Variants in RAPGEF4 observed in about 807,000 individuals in gnomAD.
The protein encoded by RAPGEF4 is Rap guanine nucleotide exchange factor 4.
A neutral mutation model predicts 147.9 loss-of-function variants in RAPGEF4; 66 were observed. That is an observed-to-expected ratio of 0.45 (90% CI 0.37 to 0.55). RAPGEF4 has a LOEUF of 0.55. Ranked by LOEUF, RAPGEF4 falls within the 20% of genes least tolerant of loss-of-function variation. RAPGEF4 has a pLI of 0.00. For missense variants in RAPGEF4, 1,071 were observed against 1,257.3 expected (o/e 0.85, Z 2.24); for synonymous variants, 419 against 442.7 (o/e 0.95, Z 0.67).
At chr2:173,006,996 GA>G (rs1694545100) in intron 17 of RAPGEF4, among the ~76,000 whole-genome samples, 1 of 151,978 alleles carries the variant, frequency 6.6e-6, no homozygotes, top group South Asian at 2.1e-4. Flanking sequence ...TGCTTTTTGG[GA>G]AAAAAATGAC....
intron 4 of RAPGEF4, among the ~76,000 whole-genome samples, chr2:172,908,925 T>A: frequency 6.6e-6 from 1 of 152,204 alleles, no homozygotes; most frequent in East Asian, 1.9e-4. Flanking sequence ...TCTAAGACCC[T>A]TGAAAGTCCT....
intron 23 of RAPGEF4, among the ~76,000 whole-genome samples, chr2:173,025,505 C>A (rs949183885): frequency 6.6e-6 from 1 of 152,156 alleles, no homozygotes; most frequent in African/African-American, 2.4e-5. Flanking sequence ...TGCAGTGGCA[C>A]GATCTCGGCT....
chr2:172,982,633 T>A (rs1019771114), intron 10 of RAPGEF4, among the ~76,000 whole-genome samples: 2 of 152,188 alleles, frequency 1.3e-5, no homozygotes, highest in Non-Finnish European at 2.9e-5. Flanking sequence ...AGTCTTCCAG[T>A]GCCAAAAATG....
At position 172,967,655 on chromosome 2, in the gene RAPGEF4, G is replaced by A. The variant is rs533980109; in HGVS notation, c.1004+211G>A. On this transcript the variant is annotated intron_variant, in intron 10 of 30. Coordinates refer to ENST00000397081, the MANE Select transcript of RAPGEF4 (RefSeq NM_007023.4). ...ATGGCTCCATTTTCCATTTGCATGA[G>A]TTAAAGCTGTAGAGGTTGTCAGTAG... Among the ~76,000 whole-genome samples, 14 of 152,326 alleles carry A rather than the reference G, an allele frequency of 9.2e-5. No homozygotes were observed. The East Asian group carries it at 2.7e-3, about 29-fold the overall frequency.
intron 4 of RAPGEF4, among the ~76,000 whole-genome samples, chr2:172,858,037 G>A (rs1323954597): frequency 1.3e-5 from 2 of 151,156 alleles, no homozygotes; most frequent in Non-Finnish European, 2.9e-5. Flanking sequence ...GAACATATAT[G>A]AGTTATTTGT....
chr2:172,933,583 C>T (rs1320120773), intron 6 of RAPGEF4, among the ~76,000 whole-genome samples: 1 of 152,128 alleles, frequency 6.6e-6, no homozygotes. Flanking sequence ...TAGGGATTTG[C>T]ACTGAGTAGG....
chr2:172,909,074 G>A (rs550041301), intron 4 of RAPGEF4, among the ~76,000 whole-genome samples: 1 of 152,160 alleles, frequency 6.6e-6, no homozygotes, highest in African/African-American at 2.4e-5. Context: ...CCATGGCAGG[G>A]TGGCCTCAGT....
At chr2:172,764,686 C>G (rs1163074797) in intron 1 of RAPGEF4, among the ~76,000 whole-genome samples, 1 of 152,144 alleles carries the variant, frequency 6.6e-6, no homozygotes, top group Non-Finnish European at 1.5e-5. Context: ...TGACTTGCCC[C>G]TTTTGTGGGA....
intron 27 of RAPGEF4, 77 bp from the exon 28 acceptor site, chr2:173,036,048 G>A: frequency 1.9e-6 from 2 of 1,068,706 alleles, no homozygotes; most frequent in South Asian, 2.5e-5. Context: ...TGGGGTGAAA[G>A]GCAGGTGTAT....
intron 1 of RAPGEF4, among the ~76,000 whole-genome samples, chr2:172,753,404 T>TC (rs1695470393): frequency 1.3e-5 from 2 of 151,546 alleles, no homozygotes; most frequent in Admixed American, 6.6e-5. Context: ...ATTTTCTTTT[T>TC]TTTTTTTAAT....
chr2:172,922,208 C>G lies in RAPGEF4; in HGVS notation c.518-73C>G, dbSNP rs202051337. 734 of 1,476,172 alleles carry G rather than the reference C, an allele frequency of 5.0e-4. 2 individuals carry two copies. The highest frequency in any genetic ancestry group is 6.6e-4 in the Non-Finnish European group (703 of 1,057,576). The allele number at this position is 1,476,172 out of a possible 1,614,324, so 91.4% of individuals were successfully genotyped here. ...TGAAATTTTACTTGGTTTGGTTCAG[C>G]AAAATTTCAATTCCACTTTACCGGT... On this transcript the variant is annotated intron_variant, in intron 5 of 30. Transcript: ENST00000397081.
At chr2:173,000,724 GTT>G (rs1693810375) in intron 16 of RAPGEF4, among the ~76,000 whole-genome samples, 1 of 143,230 alleles carries the variant, frequency 7.0e-6, no homozygotes, top group Non-Finnish European at 1.5e-5. Flanking sequence ...CCTTAATCTT[GTT>G]TTCTTTCTTT....
At chr2:173,034,075 AAGAAG>A in intron 27 of RAPGEF4, 111 bp downstream of exon 27, 1 of 1,040,312 alleles carries the variant, frequency 9.6e-7, no homozygotes, top group South Asian at 1.7e-5. Context: ...ATATGACTTT[AAGAAG>A]TTTATGATCC....
chr2:173,025,590 A>C (rs535232880), intron 23 of RAPGEF4, among the ~76,000 whole-genome samples: 7 of 152,222 alleles, frequency 4.6e-5, no homozygotes, highest in African/African-American at 7.2e-5. Context: ...CTACAGGTAC[A>C]TGCCACTACG....
At chr2:173,028,550 C>CT (rs942619238) in intron 25 of RAPGEF4, among the ~76,000 whole-genome samples, 46 of 151,960 alleles carry the variant, frequency 3.0e-4, no homozygotes, top group African/African-American at 1.0e-3. Context: ...ACACCCAGGA[C>CT]TTTTTTTTAT....
intron 1 of RAPGEF4, among the ~76,000 whole-genome samples, chr2:172,751,752 G>A (rs960024413): frequency 6.6e-6 from 1 of 152,184 alleles, no homozygotes; most frequent in African/African-American, 2.4e-5. Context: ...CAGAACAGAG[G>A]TCGGGCTGGT....
intron 1 of RAPGEF4, chr2:172,744,533 T>C (rs1274844147): frequency 8.1e-6 from 3 of 372,410 alleles, no homozygotes; most frequent in Non-Finnish European, 1.1e-5. Context: ...AGTTTTAATT[T>C]TATTGATGGT....
intron 1 of RAPGEF4, among the ~76,000 whole-genome samples, chr2:172,788,892 TAAATAAAATA>T (rs137917661): frequency 6.6e-5 from 10 of 150,584 alleles, no homozygotes; most frequent in African/African-American, 2.0e-4. Context: ...AGACCCTATC[TAAATAAAATA>T]AAATAAAATA....
intron 4 of RAPGEF4, among the ~76,000 whole-genome samples, chr2:172,857,454 T>C (rs1693554826): frequency 6.6e-6 from 1 of 152,208 alleles, no homozygotes; most frequent in Admixed American, 6.5e-5. Flanking sequence ...TTTCGGTGTA[T>C]ACATTATTTG....
Sources: allele counts gnomAD v4.1 joint callset (sites outside exome capture counted in the v4.1 genomes callset), GRCh38; gene constraint gnomAD v4.1.1; transcripts MANE v1.5; gene names NCBI Gene and HGNC (gene_info 2026-07-23, HGNC 2026-07-21).